ADAMTS12: variants seen among roughly 807,000 people sequenced by gnomAD.
The protein encoded by ADAMTS12 is A disintegrin and metalloproteinase with thrombospondin motifs 12.
Under a neutral mutation model 167.8 loss-of-function variants are expected in ADAMTS12, and 118 were observed. The ratio of observed to expected loss-of-function variants is 0.70; its 90% CI spans 0.61 to 0.82. ADAMTS12 has a LOEUF of 0.82. Among genes scored for constraint, ADAMTS12 ranks in the 40% least tolerant of loss-of-function variants. The pLI is 0.00. For synonymous variants in ADAMTS12, 704 were observed against 716.9 expected (o/e 0.98, Z 0.29); for missense variants, 1,916 against 1,998.8 (o/e 0.96, Z 0.79).
chr5:33,836,769 C>T (rs913084615), intron 2 of ADAMTS12, among the ~76,000 whole-genome samples: 19 of 152,282 alleles, frequency 1.2e-4, no homozygotes, highest in African/African-American at 4.6e-4. Flanking sequence ...GCGCCACAGA[C>T]AGCAGCAGGT....
At chr5:33,614,563 A>G (rs1293001645) in intron 15 of ADAMTS12, among the ~76,000 whole-genome samples, 187 bp from the exon 16 acceptor site, 1 of 152,208 alleles carries the variant, frequency 6.6e-6, no homozygotes, top group Non-Finnish European at 1.5e-5. Flanking sequence ...GTCTAAGTTC[A>G]TATCTATATA....
chr5:33,700,194 T>C (rs1200953304), intron 3 of ADAMTS12, among the ~76,000 whole-genome samples: 1 of 152,238 alleles, frequency 6.6e-6, no homozygotes, highest in African/African-American at 2.4e-5. Context: ...ATAATTTTAC[T>C]CTTGGGCATT....
chr5:33,781,693 T>A (rs114883961), intron 2 of ADAMTS12, among the ~76,000 whole-genome samples: 5,659 of 152,232 alleles, frequency 0.037, 145 homozygotes, highest in Non-Finnish European at 0.057. Flanking sequence ...AACTCTTTTT[T>A]TTTTATTTTA....
At chr5:33,586,424 G>A (rs1040153959) in intron 18 of ADAMTS12, among the ~76,000 whole-genome samples, 3 of 151,546 alleles carry the variant, frequency 2.0e-5, no homozygotes, top group African/African-American at 7.3e-5. Context: ...GCTCTGTCAA[G>A]TGGAAGCTAG....
intron 2 of ADAMTS12, among the ~76,000 whole-genome samples, chr5:33,810,474 A>G (rs927866594): frequency 1.3e-5 from 2 of 152,238 alleles, no homozygotes; most frequent in East Asian, 1.9e-4. Context: ...CCATACCCCC[A>G]CATACGCTAT....
At chr5:33,597,640 G>A (rs1380086832) in intron 16 of ADAMTS12, among the ~76,000 whole-genome samples, 1 of 152,106 alleles carries the variant, frequency 6.6e-6, no homozygotes, top group East Asian at 1.9e-4. Flanking sequence ...AAAAGTGTCA[G>A]AGGGAGTTGC....
intron 5 of ADAMTS12, among the ~76,000 whole-genome samples, chr5:33,672,547 C>T (rs1741747905): frequency 6.6e-6 from 1 of 152,214 alleles, no homozygotes; most frequent in Non-Finnish European, 1.5e-5. Flanking sequence ...CAAGGGCACA[C>T]TGTTGAAAGG....
chr5:33,601,170 T>C (rs1445311286), intron 16 of ADAMTS12, among the ~76,000 whole-genome samples: 1 of 150,934 alleles, frequency 6.6e-6, no homozygotes, highest in Non-Finnish European at 1.5e-5. Flanking sequence ...GACAGCACCA[T>C]CAAAACTGGA....
chr5:33,775,912 C>A (rs115787538), intron 2 of ADAMTS12, among the ~76,000 whole-genome samples: 666 of 152,278 alleles, frequency 4.4e-3, no homozygotes, highest in Non-Finnish European at 6.7e-3. Context: ...CCGAAGGGAG[C>A]TCATTATCCC....
intron 5 of ADAMTS12, among the ~76,000 whole-genome samples, chr5:33,672,893 T>C (rs897911735): frequency 6.6e-6 from 1 of 152,206 alleles, no homozygotes; most frequent in East Asian, 1.9e-4. Context: ...GACAGTATCT[T>C]AGCCAAGTCA....
chr5:33,841,801 G>A (rs1348423636), intron 2 of ADAMTS12, among the ~76,000 whole-genome samples: 1 of 152,304 alleles, frequency 6.6e-6, no homozygotes, highest in East Asian at 1.9e-4. Context: ...CTGAGTCCTA[G>A]ATGCTACCAA....
chr5:33,868,476 A>G (rs1749913313), intron 2 of ADAMTS12, among the ~76,000 whole-genome samples: 1 of 152,216 alleles, frequency 6.6e-6, no homozygotes, highest in Non-Finnish European at 1.5e-5. Flanking sequence ...AACTAGAGCA[A>G]AGGTCACTTT....
At chr5:33,675,269 T>C (rs1488411886) in intron 5 of ADAMTS12, among the ~76,000 whole-genome samples, 1 of 152,138 alleles carries the variant, frequency 6.6e-6, no homozygotes, top group Non-Finnish European at 1.5e-5. Context: ...GATCAAGCAG[T>C]AGTGAGAACC....
In ADAMTS12 at chr5:33,596,022, G is replaced by A. The variant is rs148278677; in HGVS notation, c.2566C>T (p.Arg856Cys). The change falls in exon 17 of 24, where the codon CGC (arginine) becomes TGC (cysteine). Residue 856 changes from arginine to cysteine, a missense_variant. Coordinates refer to ENST00000504830, the MANE Select transcript of ADAMTS12 (RefSeq NM_030955.4). ...RQTAHCIKKG[R>C]GMVKATFCDP... The stretch of plus-strand genomic sequence containing the variant: ...CAGAATGTAGCTTTCACCATCCCGC[G>A]GCCCTTCTTTATGCAATGGGCAGTT... 7.8e-5 allele frequency: 126 copies of A among 1,613,910 alleles called. 2 individuals are homozygous for A. Among genetic ancestry groups the A allele is most frequent in the Admixed American group, 2.0e-4 (12 of 59,992 alleles).
chr5:33,878,363 C>A (rs1245289167), intron 2 of ADAMTS12, among the ~76,000 whole-genome samples: 1 of 152,054 alleles, frequency 6.6e-6, no homozygotes, highest in Non-Finnish European at 1.5e-5. Context: ...TTTCTTCTGG[C>A]AAAATCATTC....
chr5:33,868,244 TG>T (rs1156263787), intron 2 of ADAMTS12, among the ~76,000 whole-genome samples: 2 of 152,186 alleles, frequency 1.3e-5, no homozygotes, highest in Admixed American at 6.5e-5. Flanking sequence ...TAAAGATACC[TG>T]AAAATGTGGA....
chr5:33,599,079 C>T (rs1317726138), intron 16 of ADAMTS12, among the ~76,000 whole-genome samples: 1 of 152,194 alleles, frequency 6.6e-6, no homozygotes, highest in Admixed American at 6.5e-5. Flanking sequence ...AATAAAACAG[C>T]ATTCAGATGG....
At chr5:33,664,419 G>A (rs1246478275) in intron 5 of ADAMTS12, among the ~76,000 whole-genome samples, 2 of 152,096 alleles carry the variant, frequency 1.3e-5, no homozygotes, top group South Asian at 4.2e-4. Context: ...TTCACTGAAG[G>A]AAAGACAGCC....
intron 13 of ADAMTS12, among the ~76,000 whole-genome samples, chr5:33,627,058 A>G (rs1446294637): frequency 4.3e-5 from 5 of 116,386 alleles, no homozygotes; most frequent in Middle Eastern, 7.1e-3. Context: ...TGATGTGGTA[A>G]TGGTGGTGGT....
Sources: gnomAD v4.1 joint callset for allele counts (sites outside exome capture counted in the v4.1 genomes callset) on GRCh38, gnomAD v4.1.1 for gene constraint, MANE v1.5 for transcripts, NCBI Gene and HGNC (gene_info 2026-07-23, HGNC 2026-07-21) for gene names.